TUBGCP3: variants seen among roughly 807,000 people sequenced by gnomAD.
The protein encoded by TUBGCP3 is tubulin gamma complex component 3, also known as gamma-tubulin complex component 3.
In TUBGCP3, 50 loss-of-function variants were observed where a neutral mutation model predicts 123.1. The observed-to-expected ratio is 0.41, with a 90% CI of 0.32 to 0.51. The LOEUF is 0.51. TUBGCP3 is among the 20% of genes least tolerant of loss of function. The pLI, the probability that TUBGCP3 is intolerant of heterozygous loss-of-function variation, is 0.36. For missense variants in TUBGCP3, 882 were observed against 1,127.0 expected (o/e 0.78, Z 3.11); for synonymous variants, 405 against 413.9 (o/e 0.98, Z 0.26).
intron 3 of TUBGCP3, 118 bp from the exon 4 acceptor site, chr13:112,559,517 C>T (rs781724407): frequency 8.7e-6 from 7 of 802,104 alleles, no homozygotes; most frequent in South Asian, 7.3e-5. Context: ...CACATAGTAA[C>T]GTCAAATCTA....
rs1379423833 is a variant in TUBGCP3, at chr13:112,485,110, C to G, written c.*883G>C. 2 of 152,424 alleles carry G rather than the reference C, an allele frequency of 1.3e-5. No homozygotes were observed. Among genetic ancestry groups the G allele is most frequent in the Non-Finnish European group, 2.9e-5 (2 of 68,014 alleles). The allele number at this position is 152,424 out of a possible 1,614,324, so 9.4% of individuals were successfully genotyped here. ...GACATTTTTACAAAAAACAATCCCC[C>G]CCACCCCAACATCTTGGTCAGTAGT... On this transcript the variant is annotated 3_prime_UTR_variant, in exon 22 of 22. Transcript: ENST00000261965.
intron 19 of TUBGCP3, among the ~76,000 whole-genome samples, chr13:112,500,148 T>C (rs7985074): frequency 0.18 from 26,659 of 152,038 alleles, 2,483 homozygotes; most frequent in Middle Eastern, 0.23. Flanking sequence ...CATCTTAGGT[T>C]TGAAAAAACA....
chr13:112,518,599 T>C (rs1035322635), intron 16 of TUBGCP3, among the ~76,000 whole-genome samples: 6 of 152,194 alleles, frequency 3.9e-5, no homozygotes, highest in Admixed American at 2.0e-4. Flanking sequence ...AAATACCAAA[T>C]TTTATCTAAG....
intron 1 of TUBGCP3, among the ~76,000 whole-genome samples, chr13:112,581,691 C>A (rs1053077196): frequency 2.0e-5 from 3 of 152,204 alleles, no homozygotes; most frequent in African/African-American, 7.2e-5. Flanking sequence ...AGCAATCCTC[C>A]CGCCTTGGCC....
chr13:112,506,692 T>C (rs1327094881), intron 17 of TUBGCP3, among the ~76,000 whole-genome samples: 1 of 152,228 alleles, frequency 6.6e-6, no homozygotes, highest in Non-Finnish European at 1.5e-5. Flanking sequence ...TCTGAAATCC[T>C]AGAATTATGA....
At chr13:112,493,762 ACT>A (rs1880316442) in intron 20 of TUBGCP3, among the ~76,000 whole-genome samples, 1 of 98,738 alleles carries the variant, frequency 1.0e-5, no homozygotes, top group Non-Finnish European at 2.1e-5. Flanking sequence ...TGCCTGAGAC[ACT>A]CTAGCTTTGG....
At chr13:112,555,038 T>A in intron 6 of TUBGCP3, 33 bp from the exon 7 acceptor site, 1 of 1,338,946 alleles carries the variant, frequency 7.5e-7, no homozygotes, top group Non-Finnish European at 1.1e-6. Context: ...CAGTAATTAC[T>A]AGACAATATT....
At chr13:112,566,398 G>C (rs1594211330) in intron 2 of TUBGCP3, among the ~76,000 whole-genome samples, 1 of 152,192 alleles carries the variant, frequency 6.6e-6, no homozygotes, top group African/African-American at 2.4e-5. Flanking sequence ...AGCATTAAAT[G>C]TTCTAATTCA....
Position 112,568,889 on chromosome 13 carries a change from C to A in TUBGCP3, c.184+263G>T, listed in dbSNP as rs534354393. On this transcript the variant is annotated intron_variant, in intron 2 of 21. Coordinates refer to ENST00000261965, the MANE Select transcript of TUBGCP3 (RefSeq NM_006322.6). ...GATAATCAGATAACCTACTCACCAA[C>A]CAAAAGCTAACAAATGGAAAGCTTT... is the stretch of plus-strand genomic sequence containing the variant. Among the ~76,000 whole-genome samples the A allele has an allele frequency of 1.1e-4, 17 of 152,306 alleles. No homozygotes were observed. The South Asian group carries it at 3.5e-3, about 32-fold the overall frequency.
chr13:112,570,286 A>T (rs1881298239), intron 1 of TUBGCP3, among the ~76,000 whole-genome samples: 1 of 152,228 alleles, frequency 6.6e-6, no homozygotes, highest in South Asian at 2.1e-4. Context: ...AAAGAGAGAC[A>T]GATGGTGATG....
At chr13:112,556,647 C>A (rs1880070571) in intron 5 of TUBGCP3, among the ~76,000 whole-genome samples, 1 of 152,300 alleles carries the variant, frequency 6.6e-6, no homozygotes, top group South Asian at 2.1e-4. Flanking sequence ...GCAGAGGAAT[C>A]GAGTCACTGT....
At chr13:112,549,008 T>C (rs1054101806) in intron 8 of TUBGCP3, among the ~76,000 whole-genome samples, 15 of 152,156 alleles carry the variant, frequency 9.9e-5, no homozygotes, top group Non-Finnish European at 1.6e-4. Context: ...GGACTATAAA[T>C]CATGCTGCTA....
At chr13:112,544,613 T>C (rs1878834111) in intron 11 of TUBGCP3, 1 of 152,090 alleles carries the variant, frequency 6.6e-6, no homozygotes, top group Non-Finnish European at 1.5e-5. Flanking sequence ...GAAAACATCA[T>C]CTCCATCAAC....
rs1165789348 is a variant in TUBGCP3 at position 112,485,868 on chromosome 13, T to C, written c.*125A>G. The C allele has an allele frequency of 1.2e-5, 10 of 868,916 alleles. No homozygotes were observed. Among genetic ancestry groups the C allele is most frequent in the Middle Eastern group, 2.9e-4 (1 of 3,458 alleles). The allele number at this position is 868,916 out of a possible 1,614,324, so 53.8% of individuals were successfully genotyped here. ...TCCCACACGCCGCTCCGCTGAAACA[T>C]GGCGCACTCGTGGGCGGAAGGGCAG... On this transcript the variant is annotated 3_prime_UTR_variant, in exon 22 of 22. Transcript: ENST00000261965.
chr13:112,578,924 C>A (rs1310263661), intron 1 of TUBGCP3, among the ~76,000 whole-genome samples: 1 of 152,100 alleles, frequency 6.6e-6, no homozygotes, highest in East Asian at 1.9e-4. Flanking sequence ...AGAAATAAAA[C>A]AAAACAAAGA....
At chr13:112,501,741 T>C (rs1880919340) in intron 19 of TUBGCP3, among the ~76,000 whole-genome samples, 1 of 152,178 alleles carries the variant, frequency 6.6e-6, no homozygotes, top group African/African-American at 2.4e-5. Flanking sequence ...CAAAGGCAAG[T>C]TCAGAAATGA....
chr13:112,596,653 T>C, the TUBGCP3 span, among the ~76,000 whole-genome samples: 1 of 152,224 alleles, frequency 6.6e-6, no homozygotes, highest in African/African-American at 2.4e-5. Flanking sequence ...TTTTCAGACA[T>C]TATTCCTTGA....
intron 5 of TUBGCP3, among the ~76,000 whole-genome samples, chr13:112,557,728 C>A (rs145147910): frequency 6.6e-6 from 1 of 152,374 alleles, no homozygotes; most frequent in East Asian, 1.9e-4. Context: ...CATCTTAATT[C>A]ATATGCACTA....
At chr13:112,536,338 C>T (rs1382983880) in intron 11 of TUBGCP3, among the ~76,000 whole-genome samples, 1 of 152,134 alleles carries the variant, frequency 6.6e-6, no homozygotes, top group African/African-American at 2.4e-5. Flanking sequence ...GGGAGTACTG[C>T]CATCTTAACA....
Sources: gnomAD v4.1 joint callset for allele counts (sites outside exome capture counted in the v4.1 genomes callset) on GRCh38, gnomAD v4.1.1 for gene constraint, MANE v1.5 for transcripts, NCBI Gene and HGNC (gene_info 2026-07-23, HGNC 2026-07-21) for gene names.